Variants in PXDNL observed in about 807,000 individuals in gnomAD.
PXDNL encodes the protein peroxidasin like.
In PXDNL, 145 loss-of-function variants were observed where a neutral mutation model predicts 150.8. The observed-to-expected ratio is 0.96, with a 90% CI of 0.84 to 1.10. PXDNL has a LOEUF of 1.10. Ranked by LOEUF, PXDNL falls within the 50% of genes least tolerant of loss-of-function variation. The pLI, the probability that PXDNL is intolerant of heterozygous loss-of-function variation, is 0.00. For synonymous variants in PXDNL, 757 were observed against 725.7 expected (o/e 1.04, Z -0.69); for missense variants, 2,087 against 1,873.9 (o/e 1.11, Z -2.10).
In PXDNL at chr8:51,393,258, T is replaced by C. The variant is rs369547185; in HGVS notation, c.3557+14809A>G. On this transcript the variant is annotated intron_variant, in intron 17 of 22. Transcript: ENST00000356297. ...TACACATGGCACTCAGATGTGTGCA[T>C]AGACTTAGCATCCAGGCAGTCTGCT... Among the ~76,000 whole-genome samples, 7 of 152,232 alleles carry C rather than the reference T, an allele frequency of 4.6e-5. No homozygotes were observed. The East Asian group carries it at 7.7e-4, about 17-fold the overall frequency.
chr8:51,345,700 T>C (rs1311601050), intron 20 of PXDNL, 133 bp downstream of exon 20: 4 of 573,996 alleles, frequency 7.0e-6, no homozygotes, highest in Middle Eastern at 4.7e-4. Context: ...CTGTGTTTTC[T>C]CCTTTTCATG....
chr8:51,718,330 A>G (rs1477850572), intron 1 of PXDNL, among the ~76,000 whole-genome samples: 1 of 152,178 alleles, frequency 6.6e-6, no homozygotes, highest in African/African-American at 2.4e-5. Flanking sequence ...TGGACCCAGC[A>G]GGGAAGCTCT....
At chr8:51,634,101 G>A (rs1749803312) in intron 2 of PXDNL, among the ~76,000 whole-genome samples, 1 of 151,810 alleles carries the variant, frequency 6.6e-6, no homozygotes, top group Admixed American at 6.6e-5. Context: ...AGGATTTTTA[G>A]AGTTTGTGAT....
chr8:51,788,401 CCA>C (rs1419145331), intron 1 of PXDNL, among the ~76,000 whole-genome samples: 1 of 152,146 alleles, frequency 6.6e-6, no homozygotes, highest in East Asian at 1.9e-4. Context: ...GGTGCAAAAG[CCA>C]CCACTCAATT....
At chr8:51,692,663 A>G (rs1488973847) in intron 1 of PXDNL, among the ~76,000 whole-genome samples, 1 of 152,216 alleles carries the variant, frequency 6.6e-6, no homozygotes, top group Non-Finnish European at 1.5e-5. Flanking sequence ...CCAGATGGAC[A>G]TATCTTCCCA....
At chr8:51,646,241 G>A (rs750052141) in intron 2 of PXDNL, among the ~76,000 whole-genome samples, 1 of 152,140 alleles carries the variant, frequency 6.6e-6, no homozygotes, top group Non-Finnish European at 1.5e-5. Context: ...CAGAGAAAAG[G>A]CCAGTGAGGA....
At chr8:51,730,540 T>C (rs995568265) in intron 1 of PXDNL, among the ~76,000 whole-genome samples, 1 of 152,202 alleles carries the variant, frequency 6.6e-6, no homozygotes, top group Admixed American at 6.5e-5. Flanking sequence ...GATGTAGAGA[T>C]GATTAAGATG....
chr8:51,556,834 A>G lies in PXDNL; in HGVS notation c.380+6T>C, dbSNP rs374774887. 1.2e-5 allele frequency: 18 copies of G among 1,514,962 alleles called. No homozygotes were observed. The highest frequency in any genetic ancestry group is 1.6e-5 in the Non-Finnish European group (18 of 1,091,388). The allele number at this position is 1,514,962 out of a possible 1,614,324, so 93.8% of individuals were successfully genotyped here. On this transcript the variant is annotated splice_donor_region_variant and intron_variant, in intron 4 of 22. Coordinates refer to ENST00000356297, the MANE Select transcript of PXDNL (RefSeq NM_144651.5). ...GTGATTTAATAAAAAAGTTTCTATT[A>G]CTTACAGATGTTCCAAAGATATGAG... is the stretch of plus-strand genomic sequence containing the variant.
Position 51,408,566 on chromosome 8 carries a change from T to C in PXDNL, c.3058A>G (p.Lys1020Glu). The change falls in exon 17 of 23, where the codon AAG becomes GAG. Residue 1020 changes from lysine (K) to glutamate (E), a missense_variant. Physicochemically the swap from Lys to Glu is moderately conservative, Grantham distance 56. Transcript: ENST00000356297. ...QHITYSHWLP[K>E]VLGDPGTRML... ...CTAGTGCCAGGGTCCCCCAGGACCTTAGGCAGCCAGTGGCTGTAGGTGATG... is the reference window on the plus strand; with the variant it reads ...CTAGTGCCAGGGTCCCCCAGGACCTCAGGCAGCCAGTGGCTGTAGGTGATG... The C allele has an allele frequency of 6.2e-7, 1 of 1,612,984 alleles. No homozygotes were observed. Among genetic ancestry groups the C allele is most frequent in the Non-Finnish European group, 8.5e-7 (1 of 1,179,546 alleles).
At chr8:51,395,539 A>G (rs537058412) in intron 17 of PXDNL, among the ~76,000 whole-genome samples, 1 of 152,370 alleles carries the variant, frequency 6.6e-6, no homozygotes, top group Admixed American at 6.5e-5. Context: ...AGGGAATTCA[A>G]ATTATGAGAC....
At chr8:51,344,547 C>T (rs77307211) in intron 20 of PXDNL, among the ~76,000 whole-genome samples, 4,486 of 152,226 alleles carry the variant, frequency 0.029, 217 homozygotes, top group African/African-American at 0.1. Flanking sequence ...CAAAGGGCCC[C>T]AATAAGAATT....
chr8:51,466,437 T>C (rs1056557339), intron 8 of PXDNL, among the ~76,000 whole-genome samples: 1 of 151,944 alleles, frequency 6.6e-6, no homozygotes, highest in Admixed American at 6.6e-5. Flanking sequence ...CCTCAAACTG[T>C]AAAAATTTTA....
At chr8:51,644,388 A>ATGTG (rs1295755098) in intron 2 of PXDNL, among the ~76,000 whole-genome samples, 22 of 35,410 alleles carry the variant, frequency 6.2e-4, no homozygotes, top group Non-Finnish European at 1.3e-3. Context: ...ACACACACAT[A>ATGTG]TGTGTATATA....
At chr8:51,658,412 A>AT (rs1354944901) in intron 1 of PXDNL, among the ~76,000 whole-genome samples, 5 of 151,634 alleles carry the variant, frequency 3.3e-5, no homozygotes, top group Admixed American at 2.6e-4. Flanking sequence ...ACACCCAAAG[A>AT]TTTTCTCGAG....
intron 17 of PXDNL, among the ~76,000 whole-genome samples, chr8:51,378,537 C>A (rs1266649420): frequency 6.6e-6 from 1 of 152,190 alleles, no homozygotes; most frequent in Non-Finnish European, 1.5e-5. Context: ...GCAGGCTGCC[C>A]CAGCCAGCAG....
intron 13 of PXDNL, among the ~76,000 whole-genome samples, chr8:51,426,171 T>C (rs1419675697): frequency 2.0e-5 from 3 of 152,214 alleles, no homozygotes; most frequent in Non-Finnish European, 2.9e-5. Context: ...ATGTAAGATA[T>C]ATAAATAAGG....
chr8:51,585,333 A>G (rs181610400), intron 3 of PXDNL, among the ~76,000 whole-genome samples: 3 of 152,242 alleles, frequency 2.0e-5, no homozygotes, highest in Admixed American at 1.3e-4. Context: ...AATGACTGAA[A>G]CCATGGAAGC....
At chr8:51,435,060 T>A (rs1189317549) in intron 12 of PXDNL, among the ~76,000 whole-genome samples, 1 of 152,164 alleles carries the variant, frequency 6.6e-6, no homozygotes, top group African/African-American at 2.4e-5. Flanking sequence ...GGCTCAGGCC[T>A]GTAGTCACAG....
chr8:51,378,204 T>A (rs1202286655), intron 17 of PXDNL, among the ~76,000 whole-genome samples: 1 of 152,198 alleles, frequency 6.6e-6, no homozygotes, highest in African/African-American at 2.4e-5. Flanking sequence ...AATGCACCAA[T>A]CAGCACTCTG....
Sources: allele counts gnomAD v4.1 joint callset (sites outside exome capture counted in the v4.1 genomes callset), GRCh38; gene constraint gnomAD v4.1.1; transcripts MANE v1.5; gene names NCBI Gene and HGNC (gene_info 2026-07-23, HGNC 2026-07-21).